The following PTPRB variants were observed in gnomAD, a reference collection of about 807,000 sequenced individuals.
PTPRB encodes receptor-type tyrosine-protein phosphatase beta.
A neutral mutation model predicts 238.1 loss-of-function variants in PTPRB; 97 were observed. That is an observed-to-expected ratio of 0.41 (90% CI 0.35 to 0.48). PTPRB has a LOEUF of 0.48. Ranked by LOEUF, PTPRB falls within the 20% of genes least tolerant of loss-of-function variation. The pLI, the probability that PTPRB is intolerant of heterozygous loss-of-function variation, is 0.30. For missense variants in PTPRB, 2,292 were observed against 2,681.9 expected (o/e 0.85, Z 3.21); for synonymous variants, 970 against 995.4 (o/e 0.97, Z 0.48).
chr12:70,635,647 T>C (rs772984899), intron 2 of PTPRB, 24 bp downstream of exon 2: 2 of 1,595,438 alleles, frequency 1.3e-6, no homozygotes, highest in Non-Finnish European at 1.7e-6. Context: ...ACTTTCAGGA[T>C]TTGCTCTGAA....
At chr12:70,565,507 T>G (rs1368006339) in intron 15 of PTPRB, among the ~76,000 whole-genome samples, 3 of 152,244 alleles carry the variant, frequency 2.0e-5, no homozygotes, top group Non-Finnish European at 4.4e-5. Context: ...TGAAGATGTC[T>G]CAATTCTACC....
chr12:70,543,381 C>T (rs1292223785), intron 22 of PTPRB, among the ~76,000 whole-genome samples: 4 of 152,092 alleles, frequency 2.6e-5, no homozygotes, highest in East Asian at 1.9e-4. Flanking sequence ...TTTGAATATA[C>T]GTTTACTGTC....
At chr12:70,621,403 T>C (rs1327127768) in intron 3 of PTPRB, among the ~76,000 whole-genome samples, 1 of 152,082 alleles carries the variant, frequency 6.6e-6, no homozygotes, top group African/African-American at 2.4e-5. Context: ...AAGTATTGAG[T>C]TTTAAAGTGA....
At chr12:70,611,663 T>G (rs1884457245) in intron 3 of PTPRB, among the ~76,000 whole-genome samples, 1 of 152,164 alleles carries the variant, frequency 6.6e-6, no homozygotes, top group Non-Finnish European at 1.5e-5. Flanking sequence ...CGAAGTTTCT[T>G]CCCCTCGAGA....
Position 70,563,040 on chromosome 12 carries a change from G to A in PTPRB, c.3972C>T (p.Thr1324=), listed in dbSNP as rs750288982. ...ACCAGCTGAGCTCCCCCTCTGAGGC[G>A]GTCCAGCGGAAGGACAGGTGCCTGG... ...NSTRHLSFRW[T]ASEGELSWYN... Residue 1324 remains threonine (T), a synonymous_variant, in exon 16 of 34, where the codon ACC becomes ACT. Coordinates refer to ENST00000334414, the MANE Select transcript of PTPRB (RefSeq NM_001109754.4). 13 of 1,613,706 alleles carry A rather than the reference G, an allele frequency of 8.1e-6. No homozygotes were observed. In the East Asian group the frequency reaches 8.9e-5, roughly 11 times the overall value.
intron 4 of PTPRB, among the ~76,000 whole-genome samples, chr12:70,602,670 G>A (rs186766791): frequency 6.6e-6 from 1 of 152,266 alleles, no homozygotes; most frequent in East Asian, 1.9e-4. Context: ...GTGGGGGAGT[G>A]GGTGGGGATA....
intron 32 of PTPRB, among the ~76,000 whole-genome samples, chr12:70,527,418 TG>T (rs1225452435): frequency 4.6e-5 from 7 of 152,354 alleles, no homozygotes; most frequent in Non-Finnish European, 7.3e-5. Context: ...GCTAAAATGC[TG>T]GTTGCATGGG....
At chr12:70,594,782 G>C (rs1882842159) in intron 5 of PTPRB, 58 bp from the exon 6 acceptor site, 1 of 1,572,696 alleles carries the variant, frequency 6.4e-7, no homozygotes, top group Non-Finnish European at 8.7e-7. Flanking sequence ...AGGAGACATA[G>C]ACACATTTAA....
chr12:70,562,123 A>G (rs1878564865), intron 16 of PTPRB, among the ~76,000 whole-genome samples: 1 of 152,120 alleles, frequency 6.6e-6, no homozygotes, highest in Non-Finnish European at 1.5e-5. Context: ...ATAAAAATTA[A>G]AAAGTTAAAA....
intron 18 of PTPRB, among the ~76,000 whole-genome samples, chr12:70,556,535 A>G (rs1877708918): frequency 6.6e-6 from 1 of 152,212 alleles, no homozygotes; most frequent in East Asian, 1.9e-4. Context: ...ACAACCACAA[A>G]AGGTGTATCC....
intron 2 of PTPRB, among the ~76,000 whole-genome samples, chr12:70,631,254 G>C (rs983756348): frequency 3.3e-5 from 5 of 152,160 alleles, no homozygotes; most frequent in African/African-American, 4.8e-5. Context: ...GAACCGAACA[G>C]AGCCCTCAGA....
In PTPRB at chr12:70,619,095, T is replaced by C. The variant is rs559423108; in HGVS notation, c.708+3295A>G. ...GCTGGATTTCAAATCATGTCCTCCTTGGCATTTACCTTTATTATCAGGCAC... is the reference window on the plus strand; with the variant it reads ...GCTGGATTTCAAATCATGTCCTCCTCGGCATTTACCTTTATTATCAGGCAC... On this transcript the variant is annotated intron_variant, in intron 3 of 33. Transcript: ENST00000334414. Among the ~76,000 whole-genome samples, 8 of 152,126 alleles carry C rather than the reference T, an allele frequency of 5.3e-5. No individual in the cohort carries two copies. The East Asian group carries it at 1.5e-3, about 29-fold the overall frequency.
chr12:70,613,514 C>T (rs948961960), intron 3 of PTPRB, among the ~76,000 whole-genome samples: 3 of 152,028 alleles, frequency 2.0e-5, no homozygotes, highest in Admixed American at 6.6e-5. Context: ...ATCTTTCTCT[C>T]GTCCTTTAGG....
rs139410763 is a variant in PTPRB at position 70,560,215 on chromosome 12, G to T, written c.4432+456C>A. ...TGGAGCATGAGTGTGCCCTGAATGG[G>T]TTACAAGTGTGTGAAGATATTAATT... is the stretch of plus-strand genomic sequence containing the variant. On this transcript the variant is annotated intron_variant, in intron 17 of 33. Transcript: ENST00000334414. This position sits in a 1 kb window ranked among gnomAD's most constrained non-coding sequence, Gnocchi z 4.2. 7.9e-5 allele frequency among the ~76,000 whole-genome samples: 12 copies of T among 152,216 alleles called. No homozygotes were observed. The East Asian group carries it at 2.1e-3, about 27-fold the overall frequency.
chr12:70,559,070 T>A (rs1878103564), intron 18 of PTPRB: 2 of 580,724 alleles, frequency 3.4e-6, no homozygotes, highest in East Asian at 5.6e-5. Context: ...CATAGTACCA[T>A]TTACTTCCCT....
intron 33 of PTPRB, among the ~76,000 whole-genome samples, chr12:70,522,870 T>TTC (rs1555219471): frequency 6.8e-6 from 1 of 146,742 alleles, no homozygotes; most frequent in Non-Finnish European, 1.5e-5. Flanking sequence ...TTTCTTTTTT[T>TTC]TTTTTTTTTT....
chr12:70,523,445 G>A (rs1203386431), intron 33 of PTPRB, among the ~76,000 whole-genome samples: 1 of 152,144 alleles, frequency 6.6e-6, no homozygotes, highest in Non-Finnish European at 1.5e-5. Context: ...GAAATACAGG[G>A]TCACAAGATA....
At chr12:70,597,278 G>A (rs985043474) in intron 4 of PTPRB, among the ~76,000 whole-genome samples, 2 of 152,160 alleles carry the variant, frequency 1.3e-5, no homozygotes, top group Non-Finnish European at 2.9e-5. Context: ...TGCTGCCAGA[G>A]CACCCAGAGT....
chr12:70,623,055 C>A (rs1885019371), intron 2 of PTPRB, among the ~76,000 whole-genome samples: 1 of 152,098 alleles, frequency 6.6e-6, no homozygotes, highest in South Asian at 2.1e-4. Flanking sequence ...GGGGTACTGT[C>A]ATAGCTTTTA....
Sources: allele counts gnomAD v4.1 joint callset (sites outside exome capture counted in the v4.1 genomes callset), GRCh38; gene constraint gnomAD v4.1.1; non-coding constraint Gnocchi (gnomAD v3.1); transcripts MANE v1.5; gene names NCBI Gene and HGNC (gene_info 2026-07-23, HGNC 2026-07-21).